LRRIQ3: variants seen among roughly 807,000 people sequenced by gnomAD.
LRRIQ3 encodes leucine rich repeats and IQ motif containing 3.
A neutral mutation model predicts 59.3 loss-of-function variants in LRRIQ3; 75 were observed. That is an observed-to-expected ratio of 1.26 (90% CI 1.05 to 1.53). The LOEUF is 1.53. Ranked by LOEUF, LRRIQ3 falls within the 40% of genes most tolerant of loss-of-function variation. The pLI is 0.00. For synonymous variants in LRRIQ3, 250 were observed against 231.3 expected (o/e 1.08, Z -0.73); for missense variants, 831 against 710.0 (o/e 1.17, Z -1.94).
intron 4 of LRRIQ3, among the ~76,000 whole-genome samples, chr1:74,120,410 T>C (rs1389108638): frequency 6.6e-6 from 1 of 152,068 alleles, no homozygotes; most frequent in Non-Finnish European, 1.5e-5. Flanking sequence ...GCCACAGTGC[T>C]GGCCTCTATG....
chr1:74,028,846 A>G lies in LRRIQ3; in HGVS notation c.1719-1877T>C, dbSNP rs138964533. Among the ~76,000 whole-genome samples the G allele has an allele frequency of 3.8e-3, 577 of 152,118 alleles. 5 individuals are homozygous for G. Among genetic ancestry groups the G allele is most frequent in the African/African-American group, 0.013 (548 of 41,548 alleles). Reference sequence around the variant, plus strand: ...TTTTAGTAGTAGCTAAAAGTTAGCTACTAGTACTATAAGCCTAGAAATCAG... The same window carrying G: ...TTTTAGTAGTAGCTAAAAGTTAGCTGCTAGTACTATAAGCCTAGAAATCAG... On this transcript the variant is annotated intron_variant, in intron 7 of 7. Transcript: ENST00000354431.
intron 4 of LRRIQ3, among the ~76,000 whole-genome samples, chr1:74,139,107 C>A: frequency 9.8e-6 from 1 of 102,552 alleles, no homozygotes; most frequent in African/African-American, 3.3e-5. Flanking sequence ...TATATATATA[C>A]ATATATGTAT....
At chr1:74,142,695 T>C (rs1284466893) in intron 4 of LRRIQ3, among the ~76,000 whole-genome samples, 2 of 152,018 alleles carry the variant, frequency 1.3e-5, no homozygotes, top group Non-Finnish European at 2.9e-5. Flanking sequence ...AGGGGTATAT[T>C]CATCTGAACC....
intron 4 of LRRIQ3, among the ~76,000 whole-genome samples, chr1:74,123,522 C>G (rs1356538808): frequency 6.6e-6 from 1 of 151,910 alleles, no homozygotes; most frequent in Non-Finnish European, 1.5e-5. Context: ...TTTTAATTTT[C>G]AGCTCCTATA....
At chr1:74,173,630 C>T (rs986079255) in intron 3 of LRRIQ3, among the ~76,000 whole-genome samples, 5 of 151,720 alleles carry the variant, frequency 3.3e-5, no homozygotes, top group African/African-American at 1.2e-4. Context: ...TTTACTGTCC[C>T]CTCCCATATT....
chr1:74,066,543 A>T (rs1346025640), intron 6 of LRRIQ3, among the ~76,000 whole-genome samples: 3 of 152,144 alleles, frequency 2.0e-5, no homozygotes, highest in Admixed American at 2.0e-4. Flanking sequence ...GCAGCAGCTA[A>T]CATTTATTAA....
intron 4 of LRRIQ3, among the ~76,000 whole-genome samples, chr1:74,150,515 C>T (rs1028251212): frequency 7.2e-5 from 11 of 151,980 alleles, no homozygotes; most frequent in African/African-American, 2.7e-4. Flanking sequence ...CTATTATTTT[C>T]CAATATGTAT....
intron 7 of LRRIQ3, 102 bp downstream of exon 7, chr1:74,041,111 T>C: frequency 1.1e-6 from 1 of 933,602 alleles, no homozygotes; most frequent in Non-Finnish European, 1.6e-6. Flanking sequence ...TAGAATGTAC[T>C]ATGTTACAAA....
intron 5 of LRRIQ3, among the ~76,000 whole-genome samples, chr1:74,100,444 G>T (rs1474345402): frequency 1.3e-5 from 2 of 152,140 alleles, no homozygotes; most frequent in Non-Finnish European, 1.5e-5. Context: ...CATGCTCATG[G>T]ATAGGAAGAA....
intron 1 of LRRIQ3, among the ~76,000 whole-genome samples, chr1:74,185,726 C>T (rs1412859761): frequency 6.6e-6 from 1 of 151,784 alleles, no homozygotes; most frequent in Non-Finnish European, 1.5e-5. Context: ...GGCGGATTAC[C>T]AGGTCAGGAG....
rs143713851 is a variant in LRRIQ3 at position 74,114,145 on chromosome 1, T to C, written c.708-4592A>G. Among the ~76,000 whole-genome samples, 97 of 151,922 alleles carry C rather than the reference T, an allele frequency of 6.4e-4. No homozygotes were observed. The East Asian group carries it at 0.012, about 19-fold the overall frequency. On this transcript the variant is annotated intron_variant, in intron 4 of 7. Transcript: ENST00000354431. ...GTTGGAATAGTGAAACTACCTCAAA[T>C]GGTAGCTCAAATCCACAAAAATAAA... is the stretch of plus-strand genomic sequence containing the variant.
At chr1:74,066,046 C>T (rs1416783424) in intron 6 of LRRIQ3, among the ~76,000 whole-genome samples, 4 of 151,894 alleles carry the variant, frequency 2.6e-5, no homozygotes, top group East Asian at 3.9e-4. Context: ...ATTAGCTGGG[C>T]GTGCTGGTGC....
chr1:74,191,678 C>T (rs1650776213), intron 1 of LRRIQ3, among the ~76,000 whole-genome samples: 1 of 152,034 alleles, frequency 6.6e-6, no homozygotes, highest in Admixed American at 6.6e-5. Flanking sequence ...GATTTATAAA[C>T]ACACTTCTAA....
chr1:74,197,590 C>G (rs1402219595), intron 1 of LRRIQ3, among the ~76,000 whole-genome samples: 1 of 151,880 alleles, frequency 6.6e-6, no homozygotes, highest in Non-Finnish European at 1.5e-5. Flanking sequence ...ACCAAAATAC[C>G]AAAAATATTT....
chr1:74,184,345 T>G (rs571805102), intron 1 of LRRIQ3, among the ~76,000 whole-genome samples: 1 of 152,264 alleles, frequency 6.6e-6, no homozygotes, highest in African/African-American at 2.4e-5. Context: ...TTACACAGTA[T>G]TTCTCATATA....
At chr1:74,071,387 G>A (rs543878160) in intron 6 of LRRIQ3, among the ~76,000 whole-genome samples, 2 of 152,170 alleles carry the variant, frequency 1.3e-5, no homozygotes, top group African/African-American at 2.4e-5. Context: ...CCTGGAAAAT[G>A]TCAATAAACT....
chr1:74,041,069 T>A, intron 7 of LRRIQ3, 144 bp downstream of exon 7: 2 of 665,456 alleles, frequency 3.0e-6, no homozygotes, highest in South Asian at 2.5e-5. Context: ...TATATTAGTA[T>A]ATTATTTGTT....
intron 3 of LRRIQ3, among the ~76,000 whole-genome samples, chr1:74,164,875 T>C (rs975072891): frequency 6.6e-6 from 1 of 151,576 alleles, no homozygotes; most frequent in Admixed American, 6.6e-5. Flanking sequence ...TATTGGTCTT[T>C]TGGCTATGGA....
At chr1:74,116,526 T>C (rs996771978) in intron 4 of LRRIQ3, among the ~76,000 whole-genome samples, 1 of 151,968 alleles carries the variant, frequency 6.6e-6, no homozygotes, top group African/African-American at 2.4e-5. Context: ...TAAAAAACAA[T>C]TGGATTAATT....
Sources: allele counts gnomAD v4.1 joint callset (sites outside exome capture counted in the v4.1 genomes callset), GRCh38; gene constraint gnomAD v4.1.1; transcripts MANE v1.5; gene names NCBI Gene and HGNC (gene_info 2026-07-23, HGNC 2026-07-21).